Variants in ADAMTS17 observed in about 807,000 individuals in gnomAD.
ADAMTS17 encodes the protein A disintegrin and metalloproteinase with thrombospondin motifs 17.
In ADAMTS17, 113 loss-of-function variants were observed where a neutral mutation model predicts 141.5. That is an observed-to-expected ratio of 0.80 (90% confidence interval 0.69 to 0.93). ADAMTS17 has a LOEUF of 0.93. Among genes scored for constraint, ADAMTS17 ranks in the 40% least tolerant of loss-of-function variants. ADAMTS17 has a pLI of 0.00. For missense variants in ADAMTS17, 1,659 were observed against 1,517.9 expected, an observed-to-expected ratio of 1.09 and a Z score of -1.54; for synonymous variants, 768 against 630.6, an observed-to-expected ratio of 1.22 and a Z score of -3.27.
chr15:100,051,492 C>G, intron 17 of ADAMTS17, 80 bp downstream of exon 17: 2 of 1,599,452 alleles, frequency 1.3e-6, no homozygotes, highest in Non-Finnish European at 1.7e-6. Flanking sequence ...GTCTCACACT[C>G]TGCGTGCTGG....
intron 3 of ADAMTS17, among the ~76,000 whole-genome samples, chr15:100,328,156 T>C (rs1351327610): frequency 6.6e-6 from 1 of 152,204 alleles, no homozygotes; most frequent in Admixed American, 6.5e-5. Context: ...ATGGGAAAGC[T>C]TGGATTAATC....
At chr15:100,155,030 G>C (rs1319650331) in intron 9 of ADAMTS17, 150 bp downstream of exon 9, 3 of 1,112,340 alleles carry the variant, frequency 2.7e-6, no homozygotes, top group Non-Finnish European at 4.0e-6. Flanking sequence ...TGCCATTATA[G>C]GACACTCTGC....
At chr15:100,160,808 T>C (rs1287528811) in intron 8 of ADAMTS17, among the ~76,000 whole-genome samples, 1 of 152,242 alleles carries the variant, frequency 6.6e-6, no homozygotes, top group Non-Finnish European at 1.5e-5. Flanking sequence ...AATGTTTACA[T>C]GCCAAGCGGC....
intron 15 of ADAMTS17, among the ~76,000 whole-genome samples, chr15:100,080,454 G>A (rs2034657868): frequency 6.6e-6 from 1 of 152,164 alleles, no homozygotes. Flanking sequence ...ACCATGCCCT[G>A]TGACTAAGGT....
At chr15:100,334,731 G>A (rs2046157807) in intron 2 of ADAMTS17, among the ~76,000 whole-genome samples, 1 of 152,158 alleles carries the variant, frequency 6.6e-6, no homozygotes, top group Non-Finnish European at 1.5e-5. Flanking sequence ...CCGCCTCCTC[G>A]AATGTGAAAT....
chr15:100,109,413 G>T (rs1276682518), intron 13 of ADAMTS17, among the ~76,000 whole-genome samples: 1 of 150,284 alleles, frequency 6.7e-6, no homozygotes, highest in African/African-American at 2.4e-5. Context: ...CAAAGGAAGA[G>T]TTGTGTGCTA....
intron 4 of ADAMTS17, among the ~76,000 whole-genome samples, chr15:100,263,280 C>T (rs988338034): frequency 1.3e-5 from 2 of 152,126 alleles, no homozygotes; most frequent in African/African-American, 2.4e-5. Flanking sequence ...CTGGGAAACA[C>T]AGAAACCAGT....
chr15:99,997,364 G>C lies in ADAMTS17; in HGVS notation c.2796+21C>G. Reference sequence around the variant, plus strand: ...TTGGAGTCCCTGTGGCTGAGTCCTGGTGGCAAGCCCAGGCACCCACCTGTG... The same window carrying C: ...TTGGAGTCCCTGTGGCTGAGTCCTGCTGGCAAGCCCAGGCACCCACCTGTG... On this transcript the variant is annotated intron_variant, in intron 19 of 21. Transcript: ENST00000268070. The surrounding 1 kb of genome is among the most constrained non-coding windows in gnomAD (Gnocchi z 4.7). The C allele has an allele frequency of 1.9e-6, 3 of 1,613,430 alleles. No homozygotes were observed. Among genetic ancestry groups the C allele is most frequent in the Non-Finnish European group, 8.5e-7 (1 of 1,179,926 alleles).
chr15:100,245,175 C>A (rs2042950140), intron 7 of ADAMTS17, among the ~76,000 whole-genome samples: 1 of 152,152 alleles, frequency 6.6e-6, no homozygotes, highest in Non-Finnish European at 1.5e-5. Context: ...GGGCTTTGGA[C>A]TGACACCAGT....
intron 10 of ADAMTS17, among the ~76,000 whole-genome samples, chr15:100,136,099 T>C (rs1476966751): frequency 6.6e-6 from 1 of 152,236 alleles, no homozygotes; most frequent in Non-Finnish European, 1.5e-5. Context: ...AAAATGTGTA[T>C]GTGTTCACCA....
At chr15:100,201,368 T>A (rs2041326569) in intron 7 of ADAMTS17, among the ~76,000 whole-genome samples, 1 of 152,196 alleles carries the variant, frequency 6.6e-6, no homozygotes, top group Non-Finnish European at 1.5e-5. Flanking sequence ...GAAGAAGGTG[T>A]CTGCTTCCCT....
chr15:100,279,729 T>C (rs988327822), intron 4 of ADAMTS17, among the ~76,000 whole-genome samples: 19 of 152,148 alleles, frequency 1.2e-4, no homozygotes, highest in Non-Finnish European at 1.2e-4. Flanking sequence ...CCCCTTTCCC[T>C]CTACAAAGTT....
chr15:100,191,799 G>A (rs1282967874), intron 8 of ADAMTS17, among the ~76,000 whole-genome samples: 1 of 152,248 alleles, frequency 6.6e-6, no homozygotes, highest in Middle Eastern at 3.4e-3. Context: ...GGAGAGGGGA[G>A]GAAGCAAGAA....
chr15:100,048,976 G>A lies in ADAMTS17; in HGVS notation c.2472C>T (p.Ile824=), dbSNP rs61752831. 0.021 allele frequency: 34,336 copies of A among 1,614,162 alleles called. 440 individuals are homozygous for A. Among genetic ancestry groups the A allele is most frequent in the Middle Eastern group, 0.056 (337 of 6,062 alleles). ...TGTTGACAATCCGTGTACACGAGAC[G>A]ATGGTTCTGCGCTCCCCTGGAAACC... The part of the protein sequence containing the change: ...VQCGGGERRT[I]VSCTRIVNKT... The change falls in exon 18 of 22, where the codon ATC becomes ATT. Residue 824 remains isoleucine (I), a synonymous_variant. Transcript: ENST00000268070.
At position 99,976,079 on chromosome 15, in the gene ADAMTS17, CCTGTCGTTGCAGACCTCCTGGTAGCA is replaced by C. The variant is rs1254751256; in HGVS notation, c.3067_3092del (p.Cys1023AspfsTer107). On this transcript the variant is annotated frameshift_variant, in exon 21 of 22. Coordinates refer to ENST00000268070, the MANE Select transcript of ADAMTS17 (RefSeq NM_139057.4). LOFTEE classifies it high-confidence loss of function. Reference sequence around the variant, plus strand: ...GGGAGGTGATGGTGTTGGCGTTGATCCTGTCGTTGCAGACCTCCTGGTAGCACTGTCTGTAGGGGGCAGGCTTCGAG... The same window carrying C: ...GGGAGGTGATGGTGTTGGCGTTGATCCTGTCTGTAGGGGGCAGGCTTCGAG... 1 of 1,551,656 alleles carries C rather than the reference CCTGTCGTTGCAGACCTCCTGGTAGCA, an allele frequency of 6.4e-7. No individual in the cohort carries two copies. The highest frequency in any genetic ancestry group is 2.4e-5 in the East Asian group (1 of 40,940).
chr15:100,063,272 C>G (rs1451741995), intron 15 of ADAMTS17, among the ~76,000 whole-genome samples: 1 of 152,204 alleles, frequency 6.6e-6, no homozygotes, highest in African/African-American at 2.4e-5. Flanking sequence ...GCTAAGAAGT[C>G]ATCCCCAGAG....
intron 15 of ADAMTS17, among the ~76,000 whole-genome samples, chr15:100,093,017 C>A (rs2141002959): frequency 6.6e-6 from 1 of 152,336 alleles, no homozygotes; most frequent in East Asian, 1.9e-4. Context: ...TGAGCCAGCC[C>A]AAGGCATGAG....
Position 100,341,390 on chromosome 15 carries a change from G to A in ADAMTS17, c.99C>T (p.Ala33=). The change falls in exon 2 of 22, where the codon GCC becomes GCT. Residue 33 remains alanine, a synonymous_variant. Coordinates refer to ENST00000268070, the MANE Select transcript of ADAMTS17 (RefSeq NM_139057.4). ...DPGTAVGDAA[A]DVEVVLPWRV... Reference sequence around the variant, plus strand: ...GCCACGGGAGCACCACCTCCACGTCGGCCGCCGCGTCGCCGACAGCTGCGG... The same window carrying A: ...GCCACGGGAGCACCACCTCCACGTCAGCCGCCGCGTCGCCGACAGCTGCGG... 9.8e-7 allele frequency: 1 copy of A among 1,016,934 alleles called. No homozygotes were observed. Among genetic ancestry groups the A allele is most frequent in the Non-Finnish European group, 1.2e-6 (1 of 852,308 alleles). The allele number at this position is 1,016,934 out of a possible 1,614,324, so 63.0% of individuals were successfully genotyped here. A position where few individuals can be genotyped will look rare whatever the true frequency, so the allele number is the denominator to read the frequency against.
chr15:100,155,443 G>C (rs1464328161), intron 8 of ADAMTS17, 123 bp from the exon 9 acceptor site: 3 of 1,390,258 alleles, frequency 2.2e-6, no homozygotes, highest in African/African-American at 2.9e-5. Context: ...TAACGTGAAA[G>C]TGGTTCTCAC....
Sources: allele counts gnomAD v4.1 joint callset (sites outside exome capture counted in the v4.1 genomes callset), GRCh38; gene constraint gnomAD v4.1.1; non-coding constraint Gnocchi (gnomAD v3.1); transcripts MANE v1.5; gene names NCBI Gene and HGNC (gene_info 2026-07-23, HGNC 2026-07-21).